USP16: variants seen among roughly 807,000 people sequenced by gnomAD.
The protein encoded by USP16 is ubiquitin carboxyl-terminal hydrolase 16.
In USP16, 77 loss-of-function variants were observed where a neutral mutation model predicts 95.9. The observed-to-expected ratio is 0.80, with a 90% CI of 0.67 to 0.97. USP16 has a LOEUF of 0.97. Among genes scored for constraint, USP16 ranks in the 50% least tolerant of loss-of-function variants. The probability of loss-of-function intolerance (pLI) is 0.00; values close to 1 mark genes in which losing one functional copy is unlikely to be tolerated. For missense variants in USP16, 943 were observed against 959.9 expected, an observed-to-expected ratio of 0.98 and a Z score of 0.23; for synonymous variants, 303 against 318.2, an observed-to-expected ratio of 0.95 and a Z score of 0.51.
At chr21:29,042,395 C>G in intron 11 of USP16, 77 bp from the exon 12 acceptor site, 3 of 1,422,172 alleles carry the variant, frequency 2.1e-6, no homozygotes, top group Non-Finnish European at 2.9e-6. Context: ...ACTCCCCATC[C>G]CACAGGGCAG....
rs1469096100 is a variant in USP16, at chr21:29,046,679, CA to C, written c.1371del (p.Gln457HisfsTer11). ...AKKQAKNQRR[Q>X]QKIQGKVLHL... ...ACTTTTTACCCAGAACCAACGAAGA[CA>C]ACAAAAAATTCAAGGAAAAGTTCTT... On this transcript the variant is annotated frameshift_variant, in exon 14 of 18. Transcript: ENST00000399976. LOFTEE classifies it high-confidence loss of function. The C allele has an allele frequency of 1.2e-6, 2 of 1,603,598 alleles. No individual in the cohort carries two copies. Among genetic ancestry groups the C allele is most frequent in the Non-Finnish European group, 1.7e-6 (2 of 1,175,902 alleles).
intron 14 of USP16, among the ~76,000 whole-genome samples, chr21:29,048,064 T>TGC (rs2085356959): frequency 6.7e-6 from 1 of 148,316 alleles, no homozygotes; most frequent in African/African-American, 2.5e-5. Flanking sequence ...TGTGTGTGTG[T>TGC]GTGTGTGTGT....
chr21:29,035,082 A>C, intron 4 of USP16, 142 bp downstream of exon 4: 1 of 734,730 alleles, frequency 1.4e-6, no homozygotes. Flanking sequence ...AAAGCTAAAG[A>C]ATGCAGTATT....
rs1568886053 is a variant in USP16 at position 29,034,880 on chromosome 21, A to C, written c.284A>C (p.Tyr95Ser). Residue 95 changes from tyrosine to serine, a missense_variant, in exon 4 of 18, where the codon TAT (tyrosine) becomes TCT (serine). Tyr to Ser is a moderately radical substitution (Grantham distance 144). Coordinates refer to ENST00000399976, the MANE Select transcript of USP16 (RefSeq NM_006447.3). ...NSQEQHALKHYLTPRSEPHCL... is the reference protein window; with the variant it reads ...NSQEQHALKHSLTPRSEPHCL... ...CAGGAGCAGCATGCCTTGAAGCACT[A>C]TCTGACGCCAAGATCTGAACCTCAC... 4 of 1,614,184 alleles carry C rather than the reference A, an allele frequency of 2.5e-6. No individual in the cohort carries two copies. Among genetic ancestry groups the C allele is most frequent in the Non-Finnish European group, 3.4e-6 (4 of 1,180,004 alleles).
Position 29,054,137 on chromosome 21 carries a change from A to ATT in USP16, c.2422_2423insTT (p.Lys808IlefsTer4), listed in dbSNP as rs761054310. ...ACATGTGCAAGCTGTGCCTACAACTAAAGTACTAAACTCACAAGCGTACCT... is the reference window on the plus strand; with the variant it reads ...ACATGTGCAAGCTGTGCCTACAACTATTAAGTACTAAACTCACAAGCGTACCT... On this transcript the variant is annotated frameshift_variant, in exon 18 of 18. Transcript: ENST00000399976. LOFTEE classifies it high-confidence loss of function. 30 of 1,614,136 alleles carry ATT rather than the reference A, an allele frequency of 1.9e-5. No homozygotes were observed. Among genetic ancestry groups the ATT allele is most frequent in the Non-Finnish European group, 2.5e-5 (30 of 1,180,044 alleles).
At chr21:29,029,221 G>A (rs1166416965) in intron 2 of USP16, among the ~76,000 whole-genome samples, 6 of 152,212 alleles carry the variant, frequency 3.9e-5, no homozygotes, top group Non-Finnish European at 7.3e-5. Context: ...AGACCATCCT[G>A]GCTAACACGG....
rs150814396 is a variant in USP16, at chr21:29,035,917, C to A, written c.345-354C>A. 8.4e-3 allele frequency among the ~76,000 whole-genome samples: 1,267 copies of A among 150,772 alleles called. 25 individuals are homozygous for A. Among genetic ancestry groups the A allele is most frequent in the African/African-American group, 0.03 (1,214 of 41,076 alleles). On this transcript the variant is annotated intron_variant, in intron 4 of 17. Coordinates refer to ENST00000399976, the MANE Select transcript of USP16 (RefSeq NM_006447.3). The stretch of plus-strand genomic sequence containing the variant: ...TGGGCAACAGAGCGAGACTCCGTCT[C>A]AAAAAAAACCAAAAAACAAAACAAA...
chr21:29,038,657 G>A (rs566557191), intron 7 of USP16, among the ~76,000 whole-genome samples: 2 of 152,100 alleles, frequency 1.3e-5, no homozygotes, highest in African/African-American at 4.8e-5. Flanking sequence ...CTTCCTTCTT[G>A]GGAATGTGTA....
At chr21:29,048,915 T>G (rs1449078967) in intron 15 of USP16, 60 bp downstream of exon 15, 5 of 1,248,238 alleles carry the variant, frequency 4.0e-6, no homozygotes, top group Non-Finnish European at 5.8e-6. Context: ...TTACCTATTT[T>G]TTTCATTACT....
chr21:29,047,178 G>A lies in USP16; in HGVS notation c.1868G>A (p.Arg623Lys). The A allele has an allele frequency of 6.2e-7, 1 of 1,614,116 alleles. No homozygotes were observed. Among genetic ancestry groups the A allele is most frequent in the South Asian group, 1.1e-5 (1 of 91,074 alleles). Reference sequence around the variant, plus strand: ...ACTGCTTTCTGTACTCTTGCAAACAGGGAAGTTTTCAATACTGATGAGTGT... The same window carrying A: ...ACTGCTTTCTGTACTCTTGCAAACAAGGAAGTTTTCAATACTGATGAGTGT... ...PETAFCTLAN[R>K]EVFNTDECSI... The change falls in exon 14 of 18, where the codon AGG becomes AAG. Residue 623 changes from arginine (R) to lysine (K), a missense_variant. Physicochemically the swap from Arg to Lys is conservative, Grantham distance 26. Transcript: ENST00000399976.
intron 8 of USP16, among the ~76,000 whole-genome samples, 157 bp from the exon 9 acceptor site, chr21:29,039,324 T>C (rs967116587): frequency 2.6e-5 from 4 of 152,184 alleles, no homozygotes; most frequent in Non-Finnish European, 4.4e-5. Context: ...ATATTTTATG[T>C]GATAGTTAAA....
At chr21:29,040,579 G>C (rs746722468) in intron 9 of USP16, 30 bp from the exon 10 acceptor site, 3 of 1,029,354 alleles carry the variant, frequency 2.9e-6, no homozygotes, top group Non-Finnish European at 2.7e-6. Context: ...AAATTTAATA[G>C]TATATATATA....
chr21:29,047,745 A>T (rs942432596), intron 14 of USP16, among the ~76,000 whole-genome samples: 1 of 151,856 alleles, frequency 6.6e-6, no homozygotes, highest in Admixed American at 6.6e-5. Context: ...AGAAAGGATC[A>T]TACTGACAAT....
In USP16 at chr21:29,054,123, C is replaced by T. The variant is rs750158908; in HGVS notation, c.2408C>T (p.Ala803Val). The change falls in exon 18 of 18, where the codon GCT becomes GTT. Residue 803 changes from alanine (A) to valine (V), a missense_variant. Transcript: ENST00000399976. ...WFHISDTHVQ[A>V]VPTTKVLNSQ... ...CACATCAGCGACACACATGTGCAAG[C>T]TGTGCCTACAACTAAAGTACTAAAC... 1 of 1,614,228 alleles carries T rather than the reference C, an allele frequency of 6.2e-7. No homozygotes were observed. Among genetic ancestry groups the T allele is most frequent in the Admixed American group, 1.7e-5 (1 of 60,032 alleles).
intron 16 of USP16, among the ~76,000 whole-genome samples, chr21:29,050,573 T>C (rs1169003806): frequency 6.6e-6 from 1 of 152,188 alleles, no homozygotes; most frequent in Non-Finnish European, 1.5e-5. Context: ...GCCTCAACTA[T>C]ATTTAAAGAA....
chr21:29,036,250 T>G, intron 4 of USP16, 21 bp from the exon 5 acceptor site: 1 of 1,581,500 alleles, frequency 6.3e-7, no homozygotes, highest in Non-Finnish European at 8.6e-7. Context: ...TCATTTTTCA[T>G]CTCTGATTTT....
At chr21:29,053,568 T>C (rs886925436) in intron 16 of USP16, 2 of 417,850 alleles carry the variant, frequency 4.8e-6, no homozygotes, top group South Asian at 5.2e-5. Flanking sequence ...GGTAACTGCA[T>C]CAAGTGGCCT....
intron 6 of USP16, 80 bp downstream of exon 6, chr21:29,037,543 C>G: frequency 9.2e-7 from 1 of 1,088,990 alleles, no homozygotes; most frequent in Non-Finnish European, 1.2e-6. Flanking sequence ...GAGTTTTTTC[C>G]ACCTGAGTAA....
In USP16 at chr21:29,053,829, CT is replaced by C; in HGVS notation, c.2222del (p.Leu741ProfsTer14). 6.2e-7 allele frequency: 1 copy of C among 1,613,632 alleles called. No individual in the cohort carries two copies. The highest frequency in any genetic ancestry group is 1.1e-5 in the South Asian group (1 of 90,886). On this transcript the variant is annotated frameshift_variant, in exon 17 of 18. Transcript: ENST00000399976. LOFTEE classifies it high-confidence loss of function. ...KNVAEENTRV[L>X]YSLYGVVEHS... The stretch of plus-strand genomic sequence containing the variant: ...TGTTGCAGAAGAAAATACAAGGGTA[CT>C]CTATTCCTTATATGGAGTTGTTGAA...
Sources: gnomAD v4.1 joint callset for allele counts (sites outside exome capture counted in the v4.1 genomes callset) on GRCh38, gnomAD v4.1.1 for gene constraint, MANE v1.5 for transcripts, NCBI Gene and HGNC (gene_info 2026-07-23, HGNC 2026-07-21) for gene names.